Variants in SIRT1 observed in about 807,000 individuals in gnomAD.
SIRT1 encodes the protein NAD-dependent protein deacetylase sirtuin-1.
SIRT1 carries 24 observed loss-of-function variants against 67.9 expected under a neutral mutation model. The observed-to-expected ratio is 0.35, with a 90% CI of 0.26 to 0.50. SIRT1 has a LOEUF of 0.50. SIRT1 is among the 20% of genes least tolerant of loss of function. The pLI, the probability that SIRT1 is intolerant of heterozygous loss-of-function variation, is 0.98. For synonymous variants in SIRT1, 378 were observed against 350.7 expected, an observed-to-expected ratio of 1.08 and a Z score of -0.87; for missense variants, 873 against 937.2, an observed-to-expected ratio of 0.93 and a Z score of 0.89.
At position 67,914,322 on chromosome 10, in the gene SIRT1, G is replaced by A. The variant is rs1450270765; in HGVS notation, c.1915+1291G>A. ...CCTGACCCCATGATCCATCCACCTCGGCCTCCCAAAGTGCTGGAATTACAG... is the reference window on the plus strand; with the variant it reads ...CCTGACCCCATGATCCATCCACCTCAGCCTCCCAAAGTGCTGGAATTACAG... On this transcript the variant is annotated intron_variant, in intron 8 of 8. Transcript: ENST00000212015. 5.3e-5 allele frequency among the ~76,000 whole-genome samples: 8 copies of A among 152,002 alleles called. 1 individual carries two copies. The South Asian group carries it at 8.3e-4, about 16-fold the overall frequency.
intron 4 of SIRT1, among the ~76,000 whole-genome samples, chr10:67,892,747 G>A (rs896868400): frequency 9.9e-5 from 15 of 151,936 alleles, no homozygotes; most frequent in African/African-American, 1.5e-4. Flanking sequence ...GATTACAGGC[G>A]CCCGCTACCA....
chr10:67,902,115 A>T (rs1052983208), intron 4 of SIRT1, among the ~76,000 whole-genome samples: 3 of 152,114 alleles, frequency 2.0e-5, no homozygotes, highest in Non-Finnish European at 4.4e-5. Flanking sequence ...CAGCCTCCCA[A>T]GTAGCTGGGA....
intron 3 of SIRT1, 72 bp from the exon 4 acceptor site, chr10:67,891,330 T>G: frequency 7.4e-7 from 1 of 1,350,704 alleles, no homozygotes; most frequent in Non-Finnish European, 1.0e-6. Context: ...CCTAATTATA[T>G]GGTAAGAGAG....
At chr10:67,915,536 A>AGGTG (rs2029884944) in intron 8 of SIRT1, among the ~76,000 whole-genome samples, 1 of 152,196 alleles carries the variant, frequency 6.6e-6, no homozygotes, top group South Asian at 2.1e-4. Flanking sequence ...CTGAAGCAGT[A>AGGTG]GGTGGGTCTT....
At chr10:67,890,832 C>T (rs1419424353) in intron 3 of SIRT1, among the ~76,000 whole-genome samples, 2 of 151,740 alleles carry the variant, frequency 1.3e-5, no homozygotes, top group African/African-American at 2.4e-5. Context: ...AGATCGAGAC[C>T]ATCTTGGCTA....
At chr10:67,885,936 G>T (rs1319698518) in intron 1 of SIRT1, among the ~76,000 whole-genome samples, 2 of 142,702 alleles carry the variant, frequency 1.4e-5, no homozygotes, top group African/African-American at 5.3e-5. Flanking sequence ...TGTTCTTGAA[G>T]GTTTCTTTTT....
At chr10:67,902,921 C>T (rs750292413) in intron 4 of SIRT1, among the ~76,000 whole-genome samples, 1 of 152,076 alleles carries the variant, frequency 6.6e-6, no homozygotes, top group African/African-American at 2.4e-5. Context: ...ATGGTGAAAC[C>T]CTGTCTCTAC....
chr10:67,886,596 C>CA (rs888028324), intron 1 of SIRT1, among the ~76,000 whole-genome samples: 5 of 149,492 alleles, frequency 3.3e-5, no homozygotes, highest in Non-Finnish European at 7.4e-5. Context: ...TTTTTAGGGA[C>CA]TGATTTAGTA....
intron 7 of SIRT1, among the ~76,000 whole-genome samples, chr10:67,909,809 A>C (rs1374444747): frequency 6.6e-6 from 1 of 152,034 alleles, no homozygotes; most frequent in East Asian, 1.9e-4. Context: ...TCCTCAGCTC[A>C]GGTGATCCGC....
rs766945174 is a variant in SIRT1, at chr10:67,909,389, T to A, written c.1304T>A (p.Leu435His). Residue 435 changes from leucine (L) to histidine (H), a missense_variant, in exon 7 of 9, where the codon CTC becomes CAC. By Grantham distance (99) the Leu-to-His change is moderately conservative. This residue lies in a region of SIRT1 where 251 missense variants were observed against 358.8 expected (regional missense o/e 0.70). Transcript: ENST00000212015. ...AAGTATGACAAAGATGAAGTTGACC[T>A]CCTCATTGTTATTGGGTCTTCCCTC... ...AMKYDKDEVD[L>H]LIVIGSSLKV... The A allele has an allele frequency of 1.9e-6, 3 of 1,613,402 alleles. No individual in the cohort carries two copies. Among genetic ancestry groups the A allele is most frequent in the Admixed American group, 1.7e-5 (1 of 59,788 alleles).
At chr10:67,897,197 G>T (rs142838530) in intron 4 of SIRT1, among the ~76,000 whole-genome samples, 17 of 151,924 alleles carry the variant, frequency 1.1e-4, no homozygotes, top group African/African-American at 4.1e-4. Context: ...GTGTGTTACA[G>T]TGTGCTTAGC....
chr10:67,913,015 T>C lies in SIRT1; in HGVS notation c.1899T>C (p.Ile633=). The change falls in exon 8 of 9, where the codon ATT becomes ATC. Residue 633 remains isoleucine (I), a synonymous_variant. Coordinates refer to ENST00000212015, the MANE Select transcript of SIRT1 (RefSeq NM_012238.5). ...CTAATAGAGTGGCAAAGGAGCAGAT[T>C]AGTAGGCGGCTTGATGGTAAGAAAG... ...CWPNRVAKEQ[I]SRRLDGNQYL... is the part of the protein sequence containing the mutation. The C allele has an allele frequency of 6.3e-7, 1 of 1,599,128 alleles. No homozygotes were observed. Among genetic ancestry groups the C allele is most frequent in the Non-Finnish European group, 8.5e-7 (1 of 1,175,256 alleles).
At chr10:67,897,910 A>C (rs891955208) in intron 4 of SIRT1, among the ~76,000 whole-genome samples, 14 of 150,326 alleles carry the variant, frequency 9.3e-5, no homozygotes, top group African/African-American at 3.4e-4. Context: ...GGTTGTATTT[A>C]GAGTCAAGGC....
At chr10:67,906,196 A>G (rs1201008260) in intron 4 of SIRT1, 2 of 1,448,230 alleles carry the variant, frequency 1.4e-6, no homozygotes, top group Non-Finnish European at 1.8e-6. Flanking sequence ...TTGGGGGGAA[A>G]AACACACACA....
At chr10:67,887,394 G>T in intron 1 of SIRT1, 23 bp from the exon 2 acceptor site, 1 of 1,513,842 alleles carries the variant, frequency 6.6e-7, no homozygotes, top group South Asian at 1.1e-5. Context: ...TGATAGCCTT[G>T]ACTGACTTGG....
chr10:67,916,785 A>C lies in SIRT1; in HGVS notation c.*192A>C. On this transcript the variant is annotated 3_prime_UTR_variant, in exon 9 of 9. Coordinates refer to ENST00000212015, the MANE Select transcript of SIRT1 (RefSeq NM_012238.5). Reference sequence around the variant, plus strand: ...ATTTCTGTACTTGTACAAACTCAACACTAACTTTTTTTTTTTTAAAAAAAA... The same window carrying C: ...ATTTCTGTACTTGTACAAACTCAACCCTAACTTTTTTTTTTTTAAAAAAAA... 2.7e-6 allele frequency: 1 copy of C among 375,150 alleles called. No individual in the cohort carries two copies. Among genetic ancestry groups the C allele is most frequent in the Non-Finnish European group, 4.7e-6 (1 of 214,852 alleles). 23.2% of individuals were successfully genotyped at this position (375,150 alleles called of 1,614,324 possible). A position where few individuals can be genotyped will look rare whatever the true frequency, so the allele number is the denominator to read the frequency against.
intron 7 of SIRT1, among the ~76,000 whole-genome samples, chr10:67,909,747 G>C (rs1842870774): frequency 6.6e-6 from 1 of 152,010 alleles, no homozygotes; most frequent in African/African-American, 2.4e-5. Flanking sequence ...GCTAGTTTTT[G>C]TATTTTTAGT....
intron 6 of SIRT1, among the ~76,000 whole-genome samples, chr10:67,908,632 A>T (rs929487272): frequency 6.6e-6 from 1 of 152,168 alleles, no homozygotes; most frequent in African/African-American, 2.4e-5. Flanking sequence ...GGTCGGGTGC[A>T]GTGGCTCATG....
chr10:67,898,893 A>G (rs10997866), intron 4 of SIRT1, among the ~76,000 whole-genome samples: 81,562 of 151,976 alleles, frequency 0.54, 23,521 homozygotes, highest in Non-Finnish European at 0.66. Context: ...ATTCTACTTA[A>G]TATAATAAAC....
Sources: allele counts gnomAD v4.1 joint callset (sites outside exome capture counted in the v4.1 genomes callset), GRCh38; gene constraint gnomAD v4.1.1; regional missense constraint gnomAD v4.1.1; transcripts MANE v1.5; gene names NCBI Gene and HGNC (gene_info 2026-07-23, HGNC 2026-07-21).